The following DDX19B variants were observed in gnomAD, a reference collection of about 807,000 sequenced individuals.
DDX19B encodes the protein ATP-dependent RNA helicase DDX19B.
A neutral mutation model predicts 58.1 loss-of-function variants in DDX19B; 27 were observed. The ratio of observed to expected loss-of-function variants is 0.46; its 90% confidence interval spans 0.34 to 0.64. DDX19B has a LOEUF of 0.64. Among genes scored for constraint, DDX19B ranks in the 30% least tolerant of loss-of-function variants. The pLI, the probability that DDX19B is intolerant of heterozygous loss-of-function variation, is 0.01. For synonymous variants in DDX19B, 187 were observed against 214.4 expected (o/e 0.87, Z 1.12); for missense variants, 399 against 596.5 (o/e 0.67, Z 3.45).
At chr16:70,320,493 C>T (rs1285009632) in intron 5 of DDX19B, among the ~76,000 whole-genome samples, 1 of 151,834 alleles carries the variant, frequency 6.6e-6, no homozygotes, top group African/African-American at 2.4e-5. Flanking sequence ...ACCTCGGCCT[C>T]CCACCCAAGT....
At chr16:70,304,760 T>C (rs550047859) in intron 1 of DDX19B, among the ~76,000 whole-genome samples, 17 of 152,066 alleles carry the variant, frequency 1.1e-4, no homozygotes, top group African/African-American at 3.4e-4. Context: ...TCTCTTTTTT[T>C]TTTCTTTCTT....
chr16:70,293,045 A>G (rs1961100201), upstream of DDX19B, among the ~76,000 whole-genome samples: 1 of 151,396 alleles, frequency 6.6e-6, no homozygotes, highest in Non-Finnish European at 1.5e-5. Flanking sequence ...GTGCCACTGC[A>G]CTCCAGCCTG....
upstream of DDX19B, among the ~76,000 whole-genome samples, chr16:70,291,537 G>C (rs771968182): frequency 1.3e-5 from 2 of 152,152 alleles, no homozygotes; most frequent in African/African-American, 4.8e-5. Context: ...GGCCTAGCGT[G>C]GTGACTCATG....
upstream of DDX19B, chr16:70,299,147 G>A: frequency 7.3e-7 from 1 of 1,372,708 alleles, no homozygotes; most frequent in Non-Finnish European, 9.4e-7. Flanking sequence ...CCAAACAGGA[G>A]TGGCCTCCGA....
chr16:70,311,207 TAAAAAA>T (rs1034916740), intron 1 of DDX19B, among the ~76,000 whole-genome samples: 1 of 147,060 alleles, frequency 6.8e-6, no homozygotes, highest in Non-Finnish European at 1.5e-5. Context: ...CCCCATCTCT[TAAAAAA>T]AAAGAAAATA....
upstream of DDX19B, among the ~76,000 whole-genome samples, chr16:70,295,391 A>G (rs978253386): frequency 3.9e-5 from 6 of 152,004 alleles, no homozygotes; most frequent in Non-Finnish European, 8.8e-5. Context: ...CTCCCACCTC[A>G]GCCTCAGGAG....
chr16:70,310,197 G>A (rs1232072675), intron 1 of DDX19B, among the ~76,000 whole-genome samples: 6 of 152,024 alleles, frequency 3.9e-5, no homozygotes, highest in African/African-American at 1.4e-4. Flanking sequence ...CCTGGCCAAT[G>A]TGGTGAAACC....
At chr16:70,327,614 C>T (rs1236917610) in intron 7 of DDX19B, among the ~76,000 whole-genome samples, 4 of 150,118 alleles carry the variant, frequency 2.7e-5, no homozygotes, top group Non-Finnish European at 5.9e-5. Flanking sequence ...CCAAGCTGGT[C>T]TAGAACTCCA....
chr16:70,294,540 T>C (rs1961151020), upstream of DDX19B, among the ~76,000 whole-genome samples: 1 of 152,216 alleles, frequency 6.6e-6, no homozygotes, highest in Non-Finnish European at 1.5e-5. Flanking sequence ...TGCTAATGGC[T>C]CATGATTCAC....
chr16:70,317,430 T>C, intron 4 of DDX19B, 66 bp from the exon 5 acceptor site: 1 of 1,253,604 alleles, frequency 8.0e-7, no homozygotes, highest in African/African-American at 1.5e-5. Flanking sequence ...AGAAAAATCC[T>C]CCAGATATTT....
intron 2 of DDX19B, 165 bp from the exon 3 acceptor site, chr16:70,314,733 CTTTG>C (rs1423123922): frequency 8.3e-6 from 5 of 605,080 alleles, no homozygotes; most frequent in East Asian, 3.7e-5. Flanking sequence ...TGTTTTACAC[CTTTG>C]TTTATTTAGG....
At chr16:70,305,325 C>G (rs1323464043) in intron 1 of DDX19B, among the ~76,000 whole-genome samples, 2 of 152,158 alleles carry the variant, frequency 1.3e-5, no homozygotes, top group Non-Finnish European at 2.9e-5. Context: ...CCTGCTTCCA[C>G]TTAATGCTTC....
chr16:70,333,473 T>C (rs377397585), intron 11 of DDX19B, 48 bp from the exon 12 acceptor site: 7 of 1,613,702 alleles, frequency 4.3e-6, no homozygotes, highest in African/African-American at 2.7e-5. Context: ...TGGCCCAAGA[T>C]GGGGCACATT....
chr16:70,292,242 A>G (rs1961076076), upstream of DDX19B, among the ~76,000 whole-genome samples: 1 of 151,886 alleles, frequency 6.6e-6, no homozygotes. Context: ...TCATGTCAAC[A>G]TCTGCCTCCT....
Position 70,325,557 on chromosome 16 carries a change from C to G in DDX19B, c.493-17C>G, listed in dbSNP as rs1240886105. 2 of 1,576,540 alleles carry G rather than the reference C, an allele frequency of 1.3e-6. No homozygotes were observed. The highest frequency in any genetic ancestry group is 8.7e-7 in the Non-Finnish European group (1 of 1,147,888). On this transcript the variant is annotated splice_polypyrimidine_tract_variant and intron_variant, in intron 6 of 11. Coordinates refer to ENST00000288071, the MANE Select transcript of DDX19B (RefSeq NM_007242.7). ...GCTATTGTCTTGAATTTGCACTCTGCATTCTTTTCCTGCCAGTGTCTATGT... is the reference window on the plus strand; with the variant it reads ...GCTATTGTCTTGAATTTGCACTCTGGATTCTTTTCCTGCCAGTGTCTATGT...
At chr16:70,302,656 A>C (rs565659167) in intron 1 of DDX19B, among the ~76,000 whole-genome samples, 2 of 152,308 alleles carry the variant, frequency 1.3e-5, no homozygotes, top group Admixed American at 1.3e-4. Flanking sequence ...TGGACACTTG[A>C]GTAATTTTCA....
chr16:70,298,101 C>A (rs936746360), upstream of DDX19B, among the ~76,000 whole-genome samples: 1 of 152,150 alleles, frequency 6.6e-6, no homozygotes, highest in Non-Finnish European at 1.5e-5. Flanking sequence ...ACAGCAAGAT[C>A]TGTCTCTATC....
Position 70,315,052 on chromosome 16 carries a change from CT to C in DDX19B, c.160+100del, listed in dbSNP as rs369839362. The C allele has an allele frequency of 1.4e-4, 185 of 1,300,282 alleles. 2 individuals carry two copies. The African/African-American group carries it at 2.3e-3, about 16-fold the overall frequency. 80.5% of individuals were successfully genotyped at this position (1,300,282 alleles called of 1,614,324 possible). Reference sequence around the variant, plus strand: ...CATTTTTATACCCAGTTTGGCTTGACTTTAATAGGCGATACAGTGCTAGCAT... The same window carrying C: ...CATTTTTATACCCAGTTTGGCTTGACTTAATAGGCGATACAGTGCTAGCAT... On this transcript the variant is annotated intron_variant, in intron 3 of 11. Coordinates refer to ENST00000288071, the MANE Select transcript of DDX19B (RefSeq NM_007242.7).
intron 1 of DDX19B, among the ~76,000 whole-genome samples, chr16:70,307,194 T>G (rs1462697200): frequency 6.6e-6 from 1 of 152,162 alleles, no homozygotes; most frequent in African/African-American, 2.4e-5. Flanking sequence ...TGTACAAGTT[T>G]TTGTGTGGAC....
Sources: gnomAD v4.1 joint callset for allele counts (sites outside exome capture counted in the v4.1 genomes callset) on GRCh38, gnomAD v4.1.1 for gene constraint, MANE v1.5 for transcripts, NCBI Gene and HGNC (gene_info 2026-07-23, HGNC 2026-07-21) for gene names.